Variants in SLC8A1 observed in about 807,000 individuals in gnomAD.
The protein encoded by SLC8A1 is sodium/calcium exchanger 1.
In SLC8A1, 18 loss-of-function variants were observed where a neutral mutation model predicts 68.3. The ratio of observed to expected loss-of-function variants is 0.26; its 90% CI spans 0.18 to 0.39. SLC8A1 has a LOEUF of 0.39. Among genes scored for constraint, SLC8A1 ranks in the 10% least tolerant of loss-of-function variants. SLC8A1 has a pLI of 1.00. For synonymous variants in SLC8A1, 475 were observed against 415.5 expected, an observed-to-expected ratio of 1.14 and a Z score of -1.74; for missense variants, 985 against 1,156.7, an observed-to-expected ratio of 0.85 and a Z score of 2.15.
intron 2 of SLC8A1, among the ~76,000 whole-genome samples, chr2:40,399,970 C>T (rs1015746891): frequency 6.6e-6 from 1 of 152,174 alleles, no homozygotes; most frequent in Admixed American, 6.5e-5. Flanking sequence ...GTTATTTTAC[C>T]TATAGATTAC....
At chr2:40,254,190 AG>A (rs1397192660) in intron 2 of SLC8A1, among the ~76,000 whole-genome samples, 1 of 152,178 alleles carries the variant, frequency 6.6e-6, no homozygotes, top group African/African-American at 2.4e-5. Context: ...ATATAAAAAA[AG>A]AAAATAAAAG....
intron 2 of SLC8A1, among the ~76,000 whole-genome samples, chr2:40,426,913 AC>A (rs1697015665): frequency 6.6e-6 from 1 of 152,008 alleles, no homozygotes; most frequent in Non-Finnish European, 1.5e-5. Context: ...ATTTGTGTTA[AC>A]CTGGGCACAC....
intron 2 of SLC8A1, among the ~76,000 whole-genome samples, chr2:40,326,266 G>C (rs930513129): frequency 6.6e-6 from 1 of 152,088 alleles, no homozygotes; most frequent in East Asian, 1.9e-4. Flanking sequence ...TTTTGTACTT[G>C]TCTTTGCCTG....
chr2:40,234,615 G>C (rs976395053), intron 2 of SLC8A1, among the ~76,000 whole-genome samples: 43 of 152,102 alleles, frequency 2.8e-4, no homozygotes, highest in Non-Finnish European at 4.6e-4. Flanking sequence ...TAATTGCCCT[G>C]GCCAGAACTT....
chr2:40,110,843 C>T (rs2034512388), exon 8 of SLC8A1: 1 of 152,126 alleles, frequency 6.6e-6, no homozygotes, highest in Admixed American at 6.6e-5. Context: ...AGTTCTGCCA[C>T]TATTAGAGGA....
chr2:40,117,796 C>A (rs988318869), intron 7 of SLC8A1, among the ~76,000 whole-genome samples: 1 of 152,090 alleles, frequency 6.6e-6, no homozygotes, highest in African/African-American at 2.4e-5. Flanking sequence ...TGTTGTTATG[C>A]TATTGCCACC....
chr2:40,344,604 A>C (rs1668692669), intron 2 of SLC8A1, among the ~76,000 whole-genome samples: 1 of 152,190 alleles, frequency 6.6e-6, no homozygotes, highest in Non-Finnish European at 1.5e-5. Context: ...CTCAAAAAGC[A>C]TCTGTTGAGA....
intron 2 of SLC8A1, among the ~76,000 whole-genome samples, chr2:40,307,364 G>A (rs1187172921): frequency 1.3e-5 from 2 of 152,106 alleles, no homozygotes; most frequent in African/African-American, 2.4e-5. Context: ...AAGCAAAATG[G>A]TAGTTATCAG....
rs533285704 is a variant in SLC8A1, at chr2:40,497,983, G to C, written c.-25+14366C>G. 2.3e-4 allele frequency among the ~76,000 whole-genome samples: 35 copies of C among 152,128 alleles called. 2 individuals are homozygous for C. Among genetic ancestry groups the C allele is most frequent in the Admixed American group, 2.1e-3 (32 of 15,238 alleles). On this transcript the variant is annotated intron_variant, in intron 1 of 7. Coordinates refer to the SLC8A1 transcript ENST00000402441. ...ACTTATGTAATATAAGAGGCAGATG[G>C]TAATGGATATGAGAGACATTCAGGA...
intron 7 of SLC8A1, among the ~76,000 whole-genome samples, chr2:40,121,478 C>T (rs918304002): frequency 1.3e-5 from 2 of 152,108 alleles, no homozygotes; most frequent in Non-Finnish European, 2.9e-5. Flanking sequence ...CACGGAGATG[C>T]TGGGGGCTGC....
intron 6 of SLC8A1, among the ~76,000 whole-genome samples, chr2:40,158,104 G>A (rs2044926165): frequency 6.6e-6 from 1 of 152,132 alleles, no homozygotes; most frequent in Non-Finnish European, 1.5e-5. Context: ...ACAGAAAATT[G>A]CATAGCAAAG....
chr2:40,153,442 C>T (rs1179506714), intron 6 of SLC8A1, among the ~76,000 whole-genome samples: 1 of 152,170 alleles, frequency 6.6e-6, no homozygotes, highest in African/African-American at 2.4e-5. Context: ...CTTTATTTGT[C>T]ATCCATGTTA....
chr2:40,428,789 C>T, exon 2 of SLC8A1: 1 of 1,613,856 alleles, frequency 6.2e-7, no homozygotes, highest in Non-Finnish European at 8.5e-7. Context: ...GATACTTTGA[C>T]ATTGCTGAGA....
intron 5 of SLC8A1, among the ~76,000 whole-genome samples, chr2:40,163,028 C>G (rs1427119808): frequency 6.6e-6 from 1 of 152,012 alleles, no homozygotes; most frequent in Non-Finnish European, 1.5e-5. Flanking sequence ...AAAACATGCC[C>G]CTAACGTGCC....
chr2:40,348,387 C>G (rs1306463238), intron 2 of SLC8A1, among the ~76,000 whole-genome samples: 2 of 152,144 alleles, frequency 1.3e-5, no homozygotes, highest in Non-Finnish European at 2.9e-5. Context: ...AAGAGAAGAT[C>G]AGATCTCCTA....
chr2:40,429,057 C>G, exon 2 of SLC8A1: 3 of 1,611,978 alleles, frequency 1.9e-6, no homozygotes, highest in Non-Finnish European at 1.7e-6. Flanking sequence ...CAAAGAAGAT[C>G]TTACTAACAG....
intron 1 of SLC8A1, among the ~76,000 whole-genome samples, chr2:40,489,423 G>C (rs1424482956): frequency 2.6e-5 from 4 of 151,990 alleles, no homozygotes; most frequent in Non-Finnish European, 5.9e-5. Context: ...AGGGTGCAAG[G>C]CAGAAAAAAG....
chr2:40,286,687 A>G (rs904566856), intron 2 of SLC8A1, among the ~76,000 whole-genome samples: 2 of 152,318 alleles, frequency 1.3e-5, no homozygotes, highest in Admixed American at 1.3e-4. Context: ...TCCGGAGCTG[A>G]TGGACAGCTA....
chr2:40,275,288 C>T (rs2066554820), intron 2 of SLC8A1, among the ~76,000 whole-genome samples: 1 of 152,178 alleles, frequency 6.6e-6, no homozygotes, highest in African/African-American at 2.4e-5. Context: ...CCATAAGACT[C>T]AAATTTTTGT....
Sources: gnomAD v4.1 joint callset for allele counts (sites outside exome capture counted in the v4.1 genomes callset) on GRCh38, gnomAD v4.1.1 for gene constraint, MANE v1.5 for transcripts, NCBI Gene and HGNC (gene_info 2026-07-23, HGNC 2026-07-21) for gene names.